The following TSHZ2 variants were observed in gnomAD, a reference collection of about 807,000 sequenced individuals.
The protein encoded by TSHZ2 is teashirt zinc finger homeobox 2.
TSHZ2 carries 21 observed loss-of-function variants against 74.4 expected under a neutral mutation model. That is an observed-to-expected ratio of 0.28 (90% CI 0.20 to 0.41). The LOEUF is 0.41. Ranked by LOEUF, TSHZ2 falls within the 10% of genes least tolerant of loss-of-function variation. The pLI, the probability that TSHZ2 is intolerant of heterozygous loss-of-function variation, is 1.00. For synonymous variants in TSHZ2, 540 were observed against 515.3 expected, an observed-to-expected ratio of 1.05 and a Z score of -0.65; for missense variants, 1,244 against 1,293.5, an observed-to-expected ratio of 0.96 and a Z score of 0.59.
chr20:53,077,397 T>A (rs1352639861), intron 1 of TSHZ2, among the ~76,000 whole-genome samples: 3 of 130,090 alleles, frequency 2.3e-5, no homozygotes, highest in Non-Finnish European at 3.2e-5. Context: ...GATGACAGAG[T>A]AAGACTCTAC....
At chr20:53,040,570 C>T (rs1806895451) in intron 1 of TSHZ2, among the ~76,000 whole-genome samples, 1 of 151,590 alleles carries the variant, frequency 6.6e-6, no homozygotes, top group Admixed American at 6.6e-5. Context: ...CGTCCCCCCA[C>T]CCATCATTGC....
At chr20:53,139,996 A>C (rs1481717585) in intron 1 of TSHZ2, among the ~76,000 whole-genome samples, 1 of 152,072 alleles carries the variant, frequency 6.6e-6, no homozygotes, top group African/African-American at 2.4e-5. Context: ...ACTGGATCTT[A>C]ATTTTCTCAG....
chr20:53,209,282 T>G (rs2123604895), intron 1 of TSHZ2, among the ~76,000 whole-genome samples: 1 of 152,196 alleles, frequency 6.6e-6, no homozygotes, highest in Non-Finnish European at 1.5e-5. Flanking sequence ...GAGATGGGGT[T>G]TCACCATGTT....
intron 2 of TSHZ2, among the ~76,000 whole-genome samples, chr20:53,378,022 G>T (rs919686599): frequency 6.6e-6 from 1 of 152,068 alleles, no homozygotes; most frequent in Non-Finnish European, 1.5e-5. Context: ...GCTTTTACTC[G>T]GTGGTTCTGT....
chr20:53,440,708 C>T (rs922250970), intron 2 of TSHZ2, among the ~76,000 whole-genome samples: 6 of 152,168 alleles, frequency 3.9e-5, no homozygotes, highest in Non-Finnish European at 8.8e-5. Flanking sequence ...TGTATCAATG[C>T]CTGGTCCCAA....
At chr20:53,183,895 T>A (rs1447379937) in intron 1 of TSHZ2, among the ~76,000 whole-genome samples, 1 of 152,254 alleles carries the variant, frequency 6.6e-6, no homozygotes, top group Non-Finnish European at 1.5e-5. Flanking sequence ...TCCACTTCTC[T>A]GGATGCTTTT....
chr20:53,290,925 T>C (rs1257565236), intron 2 of TSHZ2, among the ~76,000 whole-genome samples: 2 of 152,236 alleles, frequency 1.3e-5, no homozygotes, highest in Non-Finnish European at 2.9e-5. Flanking sequence ...GCTGCTTTTG[T>C]GCTATAATGT....
Position 53,480,879 on chromosome 20 carries a change from C to T in TSHZ2, c.*9-6265C>T, listed in dbSNP as rs532830787. Among the ~76,000 whole-genome samples, 31 of 152,348 alleles carry T rather than the reference C, an allele frequency of 2.0e-4. No homozygotes were observed. The South Asian group carries it at 2.5e-3, about 12-fold the overall frequency. The stretch of plus-strand genomic sequence containing the variant: ...CCAAATTAAAGCATATGTCATTCTA[C>T]GCATCTGTTGGTGGCTCTGTAATTA... On this transcript the variant is annotated intron_variant, in intron 2 of 2. Coordinates refer to ENST00000371497, the MANE Select transcript of TSHZ2 (RefSeq NM_173485.6).
At chr20:53,064,512 C>T (rs1405710990) in intron 1 of TSHZ2, among the ~76,000 whole-genome samples, 1 of 152,030 alleles carries the variant, frequency 6.6e-6, no homozygotes, top group Non-Finnish European at 1.5e-5. Context: ...AGCCAAGACA[C>T]ACACACACTA....
At chr20:53,180,025 A>G (rs1418236627) in intron 1 of TSHZ2, among the ~76,000 whole-genome samples, 1 of 152,254 alleles carries the variant, frequency 6.6e-6, no homozygotes, top group Non-Finnish European at 1.5e-5. Flanking sequence ...TGCATATTAT[A>G]GGCACATAAA....
intron 2 of TSHZ2, among the ~76,000 whole-genome samples, chr20:53,294,482 AGAG>A (rs1401880810): frequency 6.6e-6 from 1 of 150,450 alleles, no homozygotes; most frequent in African/African-American, 2.5e-5. Flanking sequence ...TAAAAAAAAA[AGAG>A]AGAGAGAGAG....
At chr20:53,229,880 AAGG>A (rs1395305493) in intron 1 of TSHZ2, among the ~76,000 whole-genome samples, 1 of 117,504 alleles carries the variant, frequency 8.5e-6, no homozygotes, top group Middle Eastern at 3.9e-3. Context: ...GGGAGGAAGA[AAGG>A]AAGGAAAAGA....
chr20:53,465,425 C>T (rs1257672142), intron 2 of TSHZ2, among the ~76,000 whole-genome samples: 1 of 152,056 alleles, frequency 6.6e-6, no homozygotes, highest in African/African-American at 2.4e-5. Flanking sequence ...CACCCACCAC[C>T]ACACCCGACT....
chr20:53,287,798 AT>A (rs1242242087), intron 2 of TSHZ2, among the ~76,000 whole-genome samples: 1 of 152,188 alleles, frequency 6.6e-6, no homozygotes, highest in African/African-American at 2.4e-5. Flanking sequence ...TTAGGAGTTA[AT>A]ATTTTTCTTA....
chr20:53,328,867 A>G (rs1051949644), intron 2 of TSHZ2, among the ~76,000 whole-genome samples: 10 of 152,328 alleles, frequency 6.6e-5, no homozygotes, highest in Admixed American at 6.5e-5. Context: ...GCATGTTTAA[A>G]GCCATAACCC....
intron 1 of TSHZ2, among the ~76,000 whole-genome samples, chr20:53,149,213 C>T (rs1009609321): frequency 6.7e-6 from 1 of 149,904 alleles, no homozygotes. Flanking sequence ...ATTTCCTCTG[C>T]TGGTGAGCCA....
At chr20:53,473,583 T>C (rs969003547) in intron 2 of TSHZ2, among the ~76,000 whole-genome samples, 2 of 141,448 alleles carry the variant, frequency 1.4e-5, no homozygotes, top group Non-Finnish European at 3.1e-5. Context: ...AACTGGAAAC[T>C]CTAAAACGCA....
chr20:53,301,984 T>G (rs955673224), intron 2 of TSHZ2, among the ~76,000 whole-genome samples: 6 of 152,210 alleles, frequency 3.9e-5, no homozygotes, highest in African/African-American at 1.2e-4. Flanking sequence ...ATCCACTAGT[T>G]GAATACCCAG....
chr20:53,418,255 T>C (rs1983342763), intron 2 of TSHZ2, among the ~76,000 whole-genome samples: 1 of 152,174 alleles, frequency 6.6e-6, no homozygotes. Context: ...TTCCCAAGGT[T>C]CCCTTTTTTC....
Sources: allele counts gnomAD v4.1 joint callset (sites outside exome capture counted in the v4.1 genomes callset), GRCh38; gene constraint gnomAD v4.1.1; transcripts MANE v1.5; gene names NCBI Gene and HGNC (gene_info 2026-07-23, HGNC 2026-07-21).